CTIF: variants seen among roughly 807,000 people sequenced by gnomAD.
CTIF encodes the protein cap binding complex dependent translation initiation factor.
In CTIF, 21 loss-of-function variants were observed where a neutral mutation model predicts 66.0. The observed-to-expected ratio is 0.32, with a 90% CI of 0.23 to 0.46. The LOEUF (loss-of-function observed/expected upper bound fraction) is 0.46. CTIF is among the 20% of genes least tolerant of loss of function. The probability of loss-of-function intolerance (pLI) is 1.00; values close to 1 mark genes in which losing one functional copy is unlikely to be tolerated. For missense variants in CTIF, 739 were observed against 812.7 expected (o/e 0.91, Z 1.10); for synonymous variants, 345 against 326.4 (o/e 1.06, Z -0.62).
chr18:48,621,586 AG>A, intron 2 of CTIF: 1 of 383,308 alleles, frequency 2.6e-6, no homozygotes, highest in South Asian at 1.9e-5. Context: ...GGAGCCCAGG[AG>A]GGGAGTCGAG....
intron 9 of CTIF, among the ~76,000 whole-genome samples, chr18:48,806,916 G>A (rs982480647): frequency 6.6e-6 from 1 of 152,174 alleles, no homozygotes; most frequent in Non-Finnish European, 1.5e-5. Flanking sequence ...TAGCCTTAAA[G>A]TTTGGGGAAA....
At chr18:48,820,229 A>G (rs1249746859) in intron 10 of CTIF, among the ~76,000 whole-genome samples, 1 of 152,174 alleles carries the variant, frequency 6.6e-6, no homozygotes, top group African/African-American at 2.4e-5. Context: ...GGGGTGCCCT[A>G]CGGATCTCAA....
In CTIF at chr18:48,860,069, A is replaced by G. The variant is rs1022771549; in HGVS notation, c.*510A>G. ...CGACGTGTAGCAGATGTCCGGGAGG[A>G]CAAAGGCAGGCACGGTCCCCACCAG... On this transcript the variant is annotated 3_prime_UTR_variant, in exon 12 of 12. Transcript: ENST00000256413. 2 of 409,556 alleles carry G rather than the reference A, an allele frequency of 4.9e-6. No individual in the cohort carries two copies. Among genetic ancestry groups the G allele is most frequent in the Non-Finnish European group, 1.0e-5 (2 of 200,136 alleles). The allele number at this position is 409,556 out of a possible 1,614,324, so 25.4% of individuals were successfully genotyped here.
At chr18:48,703,530 T>C (rs2092111725) in intron 6 of CTIF, among the ~76,000 whole-genome samples, 1 of 152,236 alleles carries the variant, frequency 6.6e-6, no homozygotes, top group Non-Finnish European at 1.5e-5. Flanking sequence ...AAAAAGCTGC[T>C]GTATGGGAGA....
chr18:48,615,382 C>T (rs184962725), intron 1 of CTIF, among the ~76,000 whole-genome samples: 392 of 152,304 alleles, frequency 2.6e-3, no homozygotes, highest in African/African-American at 9.0e-3. Context: ...TTTGCATGTT[C>T]CCCGCTTTTC....
intron 10 of CTIF, among the ~76,000 whole-genome samples, chr18:48,848,141 A>G (rs1162826737): frequency 6.6e-6 from 1 of 152,074 alleles, no homozygotes; most frequent in Non-Finnish European, 1.5e-5. Flanking sequence ...CACTGTCAGC[A>G]TGTGTGCCCA....
intron 10 of CTIF, among the ~76,000 whole-genome samples, chr18:48,845,182 G>A (rs2069043428): frequency 6.6e-6 from 1 of 152,160 alleles, no homozygotes; most frequent in South Asian, 2.1e-4. Flanking sequence ...AGAGAGAGAA[G>A]AAAGTACAGA....
At chr18:48,730,546 CTTCTGCTGT>C (rs2092440825) in intron 7 of CTIF, among the ~76,000 whole-genome samples, 1 of 54,736 alleles carries the variant, frequency 1.8e-5, no homozygotes, top group African/African-American at 7.0e-5. Flanking sequence ...GTGTGAGGGG[CTTCTGCTGT>C]GTGAGGGGCT....
chr18:48,581,035 A>G (rs1458244248), intron 1 of CTIF, among the ~76,000 whole-genome samples: 1 of 152,204 alleles, frequency 6.6e-6, no homozygotes, highest in Non-Finnish European at 1.5e-5. Context: ...TCCATTTAGC[A>G]ATGCGATGCC....
At chr18:48,610,500 G>A (rs921056246) in intron 1 of CTIF, among the ~76,000 whole-genome samples, 2 of 152,070 alleles carry the variant, frequency 1.3e-5, no homozygotes, top group Non-Finnish European at 2.9e-5. Flanking sequence ...TTCTTCCTCC[G>A]AGAGGAAGTG....
At chr18:48,756,192 T>A (rs1908345169) in intron 7 of CTIF, 1 of 151,982 alleles carries the variant, frequency 6.6e-6, no homozygotes, top group African/African-American at 2.4e-5. Context: ...CACCCACCAC[T>A]CCAGCGGAGG....
intron 6 of CTIF, among the ~76,000 whole-genome samples, chr18:48,698,539 T>C (rs1391949990): frequency 6.6e-6 from 1 of 152,184 alleles, no homozygotes; most frequent in Admixed American, 6.5e-5. Context: ...AATTTACTGG[T>C]TTATGAAATT....
intron 10 of CTIF, among the ~76,000 whole-genome samples, chr18:48,831,439 G>T (rs931363766): frequency 6.6e-6 from 1 of 152,248 alleles, no homozygotes. Flanking sequence ...TGTTGTGGGG[G>T]CCTGGGCACC....
intron 2 of CTIF, among the ~76,000 whole-genome samples, chr18:48,623,635 G>C (rs2090538792): frequency 6.6e-6 from 1 of 151,334 alleles, no homozygotes; most frequent in African/African-American, 2.4e-5. Context: ...TGCCTGTGTG[G>C]TATTTTGATG....
chr18:48,824,415 C>A (rs910754673), intron 10 of CTIF, among the ~76,000 whole-genome samples: 11 of 152,118 alleles, frequency 7.2e-5, no homozygotes, highest in Non-Finnish European at 1.3e-4. Flanking sequence ...TCTGAGCCAA[C>A]ATGCCAGGCT....
chr18:48,541,269 C>G (rs547753493), intron 1 of CTIF, among the ~76,000 whole-genome samples: 60 of 152,298 alleles, frequency 3.9e-4, no homozygotes, highest in African/African-American at 1.3e-3. Context: ...CTCTGCGGCC[C>G]GAGGATTATC....
At chr18:48,832,588 A>G (rs1029769260) in intron 10 of CTIF, among the ~76,000 whole-genome samples, 8 of 152,330 alleles carry the variant, frequency 5.3e-5, no homozygotes, top group African/African-American at 1.9e-4. Flanking sequence ...CTCTCCTCAC[A>G]GCAGCTCGAC....
intron 3 of CTIF, among the ~76,000 whole-genome samples, chr18:48,644,005 C>A (rs933398614): frequency 6.6e-6 from 1 of 152,198 alleles, no homozygotes; most frequent in Non-Finnish European, 1.5e-5. Context: ...TAAAAAAGTT[C>A]TTTCTTTGAT....
chr18:48,699,642 T>A (rs570486190), intron 6 of CTIF, among the ~76,000 whole-genome samples: 74 of 152,322 alleles, frequency 4.9e-4, no homozygotes, highest in Non-Finnish European at 8.8e-4. Flanking sequence ...TTACGAAGCC[T>A]CAGGTTGGAG....
Sources: allele counts gnomAD v4.1 joint callset (sites outside exome capture counted in the v4.1 genomes callset), GRCh38; gene constraint gnomAD v4.1.1; transcripts MANE v1.5; gene names NCBI Gene and HGNC (gene_info 2026-07-23, HGNC 2026-07-21).